CAMK2A: variants seen among roughly 807,000 people sequenced by gnomAD.
The protein encoded by CAMK2A is calcium/calmodulin dependent protein kinase II alpha, also known as calcium/calmodulin-dependent protein kinase type II subunit alpha.
A neutral mutation model predicts 79.2 loss-of-function variants in CAMK2A; 7 were observed. The ratio of observed to expected loss-of-function variants is 0.09; its 90% CI spans 0.05 to 0.17. The LOEUF is 0.17. CAMK2A is among the 10% of genes least tolerant of loss of function. The pLI, the probability that CAMK2A is intolerant of heterozygous loss-of-function variation, is 1.00. For missense variants in CAMK2A, 214 were observed against 646.4 expected (o/e 0.33, Z 7.25); for synonymous variants, 242 against 251.7 (o/e 0.96, Z 0.36).
At chr5:150,246,368 C>G (rs971584896) in intron 12 of CAMK2A, among the ~76,000 whole-genome samples, 1 of 152,164 alleles carries the variant, frequency 6.6e-6, no homozygotes, top group African/African-American at 2.4e-5. Flanking sequence ...GCTTTCTCCT[C>G]GAGCCTCAAG....
At chr5:150,235,577 G>A (rs979123047) in intron 15 of CAMK2A, among the ~76,000 whole-genome samples, 3 of 152,228 alleles carry the variant, frequency 2.0e-5, no homozygotes, top group African/African-American at 7.2e-5. Flanking sequence ...CTCTTTAGTT[G>A]GAGAGGAAAT....
At chr5:150,224,699 G>A (rs7711408) in intron 17 of CAMK2A, among the ~76,000 whole-genome samples, 3 of 151,806 alleles carry the variant, frequency 2.0e-5, no homozygotes, top group East Asian at 1.9e-4. Context: ...CCCAGCAGCC[G>A]AACTATAGAA....
chr5:150,275,140 G>T (rs1756897036), intron 1 of CAMK2A, among the ~76,000 whole-genome samples: 1 of 152,206 alleles, frequency 6.6e-6, no homozygotes, highest in South Asian at 2.1e-4. Context: ...TAACCTTGTA[G>T]GAAAGCTAGA....
chr5:150,253,656 C>CCCTCCGGG, intron 6 of CAMK2A, 110 bp from the exon 7 acceptor site: 1 of 899,590 alleles, frequency 1.1e-6, no homozygotes, highest in East Asian at 2.6e-5. Context: ...AACAGCCCGG[C>CCCTCCGGG]CCTCCGGGGC....
chr5:150,219,666 C>A lies in CAMK2A; in HGVS notation c.*3044G>T, dbSNP rs1030029585. The stretch of plus-strand genomic sequence containing the variant: ...AAAAAAAAAAAGAACTAAAACAAAA[C>A]CCCAAACAAATAGTAACAAAGAAAC... On this transcript the variant is annotated 3_prime_UTR_variant, in exon 19 of 19. Coordinates refer to ENST00000671881, the MANE Select transcript of CAMK2A (RefSeq NM_015981.4). The A allele has an allele frequency of 7.1e-6, 1 of 141,288 alleles. No individual in the cohort carries two copies. Among genetic ancestry groups the A allele is most frequent in the Non-Finnish European group, 1.5e-5 (1 of 65,698 alleles). 8.8% of individuals were successfully genotyped at this position (141,288 alleles called of 1,614,324 possible).
At chr5:150,281,891 TC>T (rs1427987745) in intron 1 of CAMK2A, among the ~76,000 whole-genome samples, 1 of 151,892 alleles carries the variant, frequency 6.6e-6, no homozygotes, top group African/African-American at 2.4e-5. Context: ...GCCTTCTCTT[TC>T]TTTCTTTCCC....
intron 9 of CAMK2A, 46 bp from the exon 10 acceptor site, chr5:150,250,856 A>T (rs768495356): frequency 1.2e-6 from 2 of 1,600,958 alleles, no homozygotes; most frequent in East Asian, 2.2e-5. Flanking sequence ...GCCCCAGGCC[A>T]CCCCTGCGAT....
chr5:150,231,473 T>A (rs544660884), intron 15 of CAMK2A, 93 bp from the exon 16 acceptor site: 1 of 535,982 alleles, frequency 1.9e-6, no homozygotes, highest in Admixed American at 4.2e-5. Flanking sequence ...CAACTACCAT[T>A]TCTTGAGTCC....
At chr5:150,237,072 G>A (rs1462354405) in intron 15 of CAMK2A, among the ~76,000 whole-genome samples, 1 of 152,024 alleles carries the variant, frequency 6.6e-6, no homozygotes, top group East Asian at 1.9e-4. Context: ...ACAGAAGATG[G>A]ATTTGCTCTA....
chr5:150,267,439 T>C (rs1756558048), intron 2 of CAMK2A, among the ~76,000 whole-genome samples: 1 of 152,240 alleles, frequency 6.6e-6, no homozygotes, highest in South Asian at 2.1e-4. Context: ...CAGAGAATAT[T>C]GACAGGATTG....
At chr5:150,241,639 C>T (rs1445593198) in intron 13 of CAMK2A, among the ~76,000 whole-genome samples, 6 of 147,802 alleles carry the variant, frequency 4.1e-5, no homozygotes, top group Non-Finnish European at 8.9e-5. Context: ...CTCCCCTCTC[C>T]TCCTTCTTTT....
intron 13 of CAMK2A, among the ~76,000 whole-genome samples, chr5:150,241,301 A>C (rs1755324085): frequency 6.6e-6 from 1 of 151,012 alleles, no homozygotes; most frequent in African/African-American, 2.4e-5. Flanking sequence ...TCAGCCCCTC[A>C]TCTCCCCGAT....
chr5:150,226,744 AGGG>A (rs530069538), intron 17 of CAMK2A, among the ~76,000 whole-genome samples: 6 of 84,488 alleles, frequency 7.1e-5, no homozygotes, highest in East Asian at 4.1e-4. Context: ...AAAAAAAAAA[AGGG>A]GGGGGGGGGA....
At chr5:150,286,687 A>G (rs769105017) in intron 1 of CAMK2A, among the ~76,000 whole-genome samples, 1 of 152,204 alleles carries the variant, frequency 6.6e-6, no homozygotes, top group Non-Finnish European at 1.5e-5. Context: ...TGGATCATCA[A>G]TTGAAGGATG....
chr5:150,256,562 G>A lies in CAMK2A; in HGVS notation c.411+11C>T, dbSNP rs1255769110. On this transcript the variant is annotated intron_variant, in intron 6 of 18. Transcript: ENST00000671881. The surrounding 1 kb of genome is among the most constrained non-coding windows in gnomAD (Gnocchi z 4.6). ...TCCCGGGGTGAGCCACACCCACGGT[G>A]GGTTGCTCACCTTCAGGTCCCGGTG... 4 of 1,609,284 alleles carry A rather than the reference G, an allele frequency of 2.5e-6. No individual in the cohort carries two copies. In the South Asian group the frequency reaches 3.3e-5, roughly 13 times the overall value.
At chr5:150,222,758 G>T in intron 18 of CAMK2A, 45 bp from the exon 19 acceptor site, 5 of 1,612,888 alleles carry the variant, frequency 3.1e-6, no homozygotes, top group Non-Finnish European at 4.2e-6. Context: ...GGTGTTTCCT[G>T]CTTGGGCAAC....
rs762275291 is a variant in CAMK2A, at chr5:150,222,637, G to T, written c.*73C>A. 1.9e-6 allele frequency: 3 copies of T among 1,560,478 alleles called. No homozygotes were observed. The highest frequency in any genetic ancestry group is 4.5e-5 in the East Asian group (2 of 44,620). On this transcript the variant is annotated 3_prime_UTR_variant, in exon 19 of 19. Transcript: ENST00000671881. Reference sequence around the variant, plus strand: ...GAATTCCAGCAAAATCCACCTGGGAGAACCAGCAGCTCCACTCCACGGACA... The same window carrying T: ...GAATTCCAGCAAAATCCACCTGGGATAACCAGCAGCTCCACTCCACGGACA...
chr5:150,275,919 T>C (rs1258745869), intron 1 of CAMK2A, among the ~76,000 whole-genome samples: 1 of 152,002 alleles, frequency 6.6e-6, no homozygotes, highest in African/African-American at 2.4e-5. Flanking sequence ...CCAGCCCCCC[T>C]CCCCTCCCTG....
intron 1 of CAMK2A, among the ~76,000 whole-genome samples, chr5:150,282,824 C>A (rs1173376868): frequency 6.6e-6 from 1 of 152,264 alleles, no homozygotes; most frequent in African/African-American, 2.4e-5. Context: ...GAAGGTAAGG[C>A]CATGGATGAG....
Sources: allele counts gnomAD v4.1 joint callset (sites outside exome capture counted in the v4.1 genomes callset), GRCh38; gene constraint gnomAD v4.1.1; non-coding constraint Gnocchi (gnomAD v3.1); transcripts MANE v1.5; gene names NCBI Gene and HGNC (gene_info 2026-07-23, HGNC 2026-07-21).